GRIP1: variants seen among roughly 807,000 people sequenced by gnomAD.
GRIP1 encodes glutamate receptor interacting protein 1, also known as glutamate receptor-interacting protein 1.
In GRIP1, 45 loss-of-function variants were observed where a neutral mutation model predicts 129.9. That is an observed-to-expected ratio of 0.35 (90% CI 0.27 to 0.44). GRIP1 has a LOEUF of 0.44. Among genes scored for constraint, GRIP1 ranks in the 20% least tolerant of loss-of-function variants. The pLI is 1.00. For synonymous variants in GRIP1, 530 were observed against 520.8 expected, an observed-to-expected ratio of 1.02 and a Z score of -0.24; for missense variants, 1,196 against 1,396.8, an observed-to-expected ratio of 0.86 and a Z score of 2.29.
At chr12:66,986,308 C>T (rs1330116319) in intron 1 of GRIP1, among the ~76,000 whole-genome samples, 4 of 151,970 alleles carry the variant, frequency 2.6e-5, no homozygotes, top group Non-Finnish European at 4.4e-5. Context: ...TACCATTTGA[C>T]CCAGCCATCC....
chr12:66,643,645 G>A (rs1166995614), intron 1 of GRIP1, among the ~76,000 whole-genome samples: 1 of 152,078 alleles, frequency 6.6e-6, no homozygotes. Flanking sequence ...GCTTACTGCA[G>A]CCTCCACTTC....
chr12:66,619,297 C>G (rs2065170310), intron 1 of GRIP1, among the ~76,000 whole-genome samples: 2 of 152,018 alleles, frequency 1.3e-5, no homozygotes, highest in African/African-American at 4.8e-5. Context: ...TTTGGATGGG[C>G]ACATTATGTT....
At chr12:67,052,481 CG>C (rs1343947508) in intron 1 of GRIP1, among the ~76,000 whole-genome samples, 2 of 152,048 alleles carry the variant, frequency 1.3e-5, no homozygotes, top group Non-Finnish European at 2.9e-5. Context: ...TACAACAGGC[CG>C]GGCGCAGTGA....
At chr12:67,030,378 C>T (rs542268698) in intron 1 of GRIP1, among the ~76,000 whole-genome samples, 22 of 152,136 alleles carry the variant, frequency 1.4e-4, no homozygotes, top group African/African-American at 4.8e-4. Context: ...AATGCAGATA[C>T]ATCCCCATGC....
intron 1 of GRIP1, among the ~76,000 whole-genome samples, chr12:66,944,487 GA>G (rs1312734301): frequency 6.6e-6 from 1 of 151,536 alleles, no homozygotes; most frequent in African/African-American, 2.4e-5. Flanking sequence ...TTGCTGAACA[GA>G]ATGTCAGTAT....
chr12:67,047,674 G>A (rs765959529), intron 1 of GRIP1, among the ~76,000 whole-genome samples: 5 of 152,066 alleles, frequency 3.3e-5, no homozygotes, highest in African/African-American at 1.2e-4. Flanking sequence ...CCCCATTACC[G>A]AAGCACTGCA....
At chr12:66,505,428 A>G (rs1400222283) in intron 7 of GRIP1, among the ~76,000 whole-genome samples, 1 of 152,212 alleles carries the variant, frequency 6.6e-6, no homozygotes, top group Non-Finnish European at 1.5e-5. Context: ...ATTATTTCCC[A>G]GACCTTACAG....
intron 1 of GRIP1, among the ~76,000 whole-genome samples, chr12:67,029,585 A>G (rs1380438770): frequency 6.6e-6 from 1 of 151,222 alleles, no homozygotes; most frequent in Non-Finnish European, 1.5e-5. Flanking sequence ...ACTCAAAAAA[A>G]AAAAAAAAAA....
At chr12:67,019,538 T>C (rs890184993) in intron 1 of GRIP1, among the ~76,000 whole-genome samples, 1 of 152,310 alleles carries the variant, frequency 6.6e-6, no homozygotes, top group South Asian at 2.1e-4. Flanking sequence ...TAAATGCTTC[T>C]TCAGAAAGTA....
At chr12:66,796,353 G>T (rs1177337395) in intron 1 of GRIP1, among the ~76,000 whole-genome samples, 1 of 151,784 alleles carries the variant, frequency 6.6e-6, no homozygotes, top group East Asian at 1.9e-4. Flanking sequence ...TTTAACAAAT[G>T]AATGTCAAAG....
chr12:66,406,560 C>T (rs568787324), intron 15 of GRIP1, 132 bp from the exon 16 acceptor site: 2 of 896,700 alleles, frequency 2.2e-6, no homozygotes, highest in African/African-American at 1.6e-5. Flanking sequence ...TTAAATTGTA[C>T]TTCATTGACA....
intron 1 of GRIP1, among the ~76,000 whole-genome samples, chr12:66,970,605 G>A (rs1337429490): frequency 8.5e-6 from 1 of 117,910 alleles, no homozygotes; most frequent in Non-Finnish European, 1.7e-5. Flanking sequence ...CCTCTCCTTG[G>A]CCAGCCAGTG....
chr12:66,804,542 C>A (rs2038948106), upstream of GRIP1, among the ~76,000 whole-genome samples: 2 of 151,902 alleles, frequency 1.3e-5, no homozygotes, highest in South Asian at 2.1e-4. Flanking sequence ...AAACAAAGTT[C>A]AAGAGATTCA....
rs137964556 is a variant in GRIP1, at chr12:66,474,185, C to T, written c.725-8763G>A. On this transcript the variant is annotated intron_variant, in intron 7 of 24. Coordinates refer to ENST00000359742, the MANE Select transcript of GRIP1 (RefSeq NM_001366722.1). ...CAGCTTGAGAACTTTGTGAAGCATACGGAAGTATCAATAGCCAAACTGATC... is the reference window on the plus strand; with the variant it reads ...CAGCTTGAGAACTTTGTGAAGCATATGGAAGTATCAATAGCCAAACTGATC... Among the ~76,000 whole-genome samples the T allele has an allele frequency of 1.3e-3, 197 of 151,816 alleles. 2 individuals are homozygous for T. The highest frequency in any genetic ancestry group is 9.7e-3 in the Admixed American group (148 of 15,234).
At chr12:66,712,780 C>T (rs1219925182) in intron 1 of GRIP1, among the ~76,000 whole-genome samples, 1 of 151,938 alleles carries the variant, frequency 6.6e-6, no homozygotes, top group Non-Finnish European at 1.5e-5. Context: ...TTAAATGAGA[C>T]AATAACATTT....
At chr12:66,524,261 T>C (rs2061139880) in intron 5 of GRIP1, among the ~76,000 whole-genome samples, 1 of 152,146 alleles carries the variant, frequency 6.6e-6, no homozygotes, top group African/African-American at 2.4e-5. Flanking sequence ...ATTCCAAAAT[T>C]GACCACATAG....
At chr12:66,473,730 A>G (rs1462784664) in intron 7 of GRIP1, among the ~76,000 whole-genome samples, 2 of 152,252 alleles carry the variant, frequency 1.3e-5, no homozygotes, top group Non-Finnish European at 2.9e-5. Flanking sequence ...GCAGACCTGC[A>G]GCAGAGGGGC....
intron 1 of GRIP1, among the ~76,000 whole-genome samples, chr12:66,609,735 T>G (rs1373319570): frequency 1.3e-5 from 2 of 152,176 alleles, no homozygotes; most frequent in Non-Finnish European, 2.9e-5. Context: ...TGTTTAATTT[T>G]GAACTGATTT....
intron 24 of GRIP1, among the ~76,000 whole-genome samples, chr12:66,351,112 T>C (rs890247821): frequency 6.6e-6 from 1 of 152,248 alleles, no homozygotes; most frequent in South Asian, 2.1e-4. Context: ...AGACTAATTG[T>C]TCTATTGCCA....
Sources: allele counts gnomAD v4.1 joint callset (sites outside exome capture counted in the v4.1 genomes callset), GRCh38; gene constraint gnomAD v4.1.1; transcripts MANE v1.5; gene names NCBI Gene and HGNC (gene_info 2026-07-23, HGNC 2026-07-21).